Variants in RAB30 observed in about 807,000 individuals in gnomAD.
The protein encoded by RAB30 is ras-related protein Rab-30.
Under a neutral mutation model 25.1 loss-of-function variants are expected in RAB30, and 9 were observed. The ratio of observed to expected loss-of-function variants is 0.36; its 90% CI spans 0.22 to 0.63. RAB30 has a LOEUF of 0.63. Ranked by LOEUF, RAB30 falls within the 20% of genes least tolerant of loss-of-function variation. The pLI is 0.69. For synonymous variants in RAB30, 77 were observed against 86.4 expected, an observed-to-expected ratio of 0.89 and a Z score of 0.60; for missense variants, 140 against 243.5, an observed-to-expected ratio of 0.58 and a Z score of 2.83.
intron 1 of RAB30, among the ~76,000 whole-genome samples, chr11:83,031,870 T>A (rs1266518947): frequency 6.6e-6 from 1 of 152,214 alleles, no homozygotes; most frequent in African/African-American, 2.4e-5. Flanking sequence ...ATAGGTAAAC[T>A]TAGTCGAGGT....
At chr11:82,992,128 T>C (rs1856862658) in intron 3 of RAB30, among the ~76,000 whole-genome samples, 1 of 152,174 alleles carries the variant, frequency 6.6e-6, no homozygotes. Context: ...TAGTTATCTT[T>C]ACCCAACTCC....
At chr11:82,997,431 A>G (rs766516891) in intron 1 of RAB30, 107 bp from the exon 2 acceptor site, 11 of 781,850 alleles carry the variant, frequency 1.4e-5, no homozygotes, top group Non-Finnish European at 8.6e-6. Flanking sequence ...ACTCATTTAA[A>G]GAGCAATTTA....
intron 1 of RAB30, among the ~76,000 whole-genome samples, chr11:83,020,358 C>T (rs1488182979): frequency 1.3e-5 from 2 of 152,230 alleles, no homozygotes; most frequent in Non-Finnish European, 2.9e-5. Flanking sequence ...CTGTCACAGC[C>T]TGGCTGGGTG....
At chr11:82,998,058 A>C (rs1856995853) in intron 1 of RAB30, among the ~76,000 whole-genome samples, 1 of 152,036 alleles carries the variant, frequency 6.6e-6, no homozygotes, top group East Asian at 1.9e-4. Flanking sequence ...TCTTTCACTG[A>C]TCTTCCCCAA....
intron 1 of RAB30, among the ~76,000 whole-genome samples, chr11:83,054,116 A>G (rs1162862231): frequency 6.6e-6 from 1 of 152,102 alleles, no homozygotes; most frequent in Non-Finnish European, 1.5e-5. Context: ...TAACATGCTT[A>G]TGACCATAGG....
intron 1 of RAB30, among the ~76,000 whole-genome samples, chr11:83,012,582 C>T (rs997017339): frequency 6.6e-6 from 1 of 152,098 alleles, no homozygotes; most frequent in Non-Finnish European, 1.5e-5. Flanking sequence ...AAATTCAATA[C>T]CTATCCTATG....
Position 82,976,505 on chromosome 11 carries a change from C to A in RAB30, c.*5660G>T, listed in dbSNP as rs1856548699. On this transcript the variant is annotated 3_prime_UTR_variant, in exon 5 of 5. Coordinates refer to ENST00000527633, the MANE Select transcript of RAB30 (RefSeq NM_001286060.2). ...TCACTCTCCAAAGTGTCAAAGTCAGCAACCACCACCGATTCCGTCAGGAAC... is the reference window on the plus strand; with the variant it reads ...TCACTCTCCAAAGTGTCAAAGTCAGAAACCACCACCGATTCCGTCAGGAAC... 6.6e-6 allele frequency: 1 copy of A among 152,134 alleles called. No homozygotes were observed. Among genetic ancestry groups the A allele is most frequent in the Middle Eastern group, 3.2e-3 (1 of 316 alleles). The allele number at this position is 152,134 out of a possible 1,614,324, so 9.4% of individuals were successfully genotyped here. A position where few individuals can be genotyped will look rare whatever the true frequency, so the allele number is the denominator to read the frequency against.
At chr11:83,059,305 T>C (rs74517809) in intron 1 of RAB30, among the ~76,000 whole-genome samples, 35 of 152,330 alleles carry the variant, frequency 2.3e-4, no homozygotes, top group African/African-American at 6.3e-4. Context: ...AGTTCACAAA[T>C]ATATACTGTT....
chr11:82,982,439 A>G, intron 4 of RAB30, 24 bp from the exon 5 acceptor site: 1 of 1,604,942 alleles, frequency 6.2e-7, no homozygotes, highest in Non-Finnish European at 8.5e-7. Context: ...AAAATCAAAT[A>G]AAGAATCAGC....
In RAB30 at chr11:82,982,153, G is replaced by T. The variant is rs775828142; in HGVS notation, c.*12C>A. ...CAGTTGCTGATTCCTTTTCTTCTCCGTGCCTCAGCCTTTAGTTGAAATTAC... is the reference window on the plus strand; with the variant it reads ...CAGTTGCTGATTCCTTTTCTTCTCCTTGCCTCAGCCTTTAGTTGAAATTAC... On this transcript the variant is annotated 3_prime_UTR_variant, in exon 5 of 5. Coordinates refer to ENST00000527633, the MANE Select transcript of RAB30 (RefSeq NM_001286060.2). 2.5e-6 allele frequency: 4 copies of T among 1,613,592 alleles called. No homozygotes were observed. In the African/African-American group the frequency reaches 5.3e-5, roughly 22 times the overall value.
At position 83,040,413 on chromosome 11, in the gene RAB30, G is replaced by A. The variant is rs868452066; in HGVS notation, c.-9+31278C>T. ...TCGAGACTAGCCTGACCAACATGGA[G>A]AAAGCCCATCTCTACTAAAAATACA... is the stretch of plus-strand genomic sequence containing the variant. On this transcript the variant is annotated intron_variant, in intron 1 of 4. Transcript: ENST00000527633. Among the ~76,000 whole-genome samples the A allele has an allele frequency of 4.6e-5, 7 of 152,172 alleles. No individual in the cohort carries two copies. In the South Asian group the frequency reaches 1.5e-3, roughly 32 times the overall value.
intron 1 of RAB30, chr11:83,034,805 T>A (rs779328757): frequency 6.6e-6 from 1 of 151,934 alleles, no homozygotes; most frequent in African/African-American, 2.4e-5. Flanking sequence ...GATAAGAACA[T>A]TGACTCAGAG....
chr11:82,990,270 G>C (rs1179273540), intron 3 of RAB30, among the ~76,000 whole-genome samples: 1 of 152,216 alleles, frequency 6.6e-6, no homozygotes, highest in Non-Finnish European at 1.5e-5. Flanking sequence ...TGAGAGCAAA[G>C]GCTGTCTTTT....
In RAB30 at chr11:83,062,846, C is replaced by T. The variant is rs185423122; in HGVS notation, c.-9+8845G>A. 3.3e-5 allele frequency among the ~76,000 whole-genome samples: 5 copies of T among 151,220 alleles called. No individual in the cohort carries two copies. The East Asian group carries it at 9.7e-4, about 29-fold the overall frequency. On this transcript the variant is annotated intron_variant, in intron 1 of 4. Transcript: ENST00000527633. ...CGGAACCCCATCTCTACTAAAAATA[C>T]AAAAAAATTAGCCAGGCATGGTGGT...
rs144519703 is a variant in RAB30, at chr11:83,021,319, G to C, written c.-8-23995C>G. 6.7e-3 allele frequency among the ~76,000 whole-genome samples: 1,019 copies of C among 152,296 alleles called. 11 individuals carry two copies. The highest frequency in any genetic ancestry group is 0.023 in the African/African-American group (974 of 41,556). On this transcript the variant is annotated intron_variant, in intron 1 of 4. Transcript: ENST00000527633. Reference sequence around the variant, plus strand: ...CAGGTTATGAGTGAAGAGGAGAGACGAGCTGTGGCCCTCCAGGAAGCCCAG... The same window carrying C: ...CAGGTTATGAGTGAAGAGGAGAGACCAGCTGTGGCCCTCCAGGAAGCCCAG...
At chr11:82,997,502 A>T in intron 1 of RAB30, 178 bp from the exon 2 acceptor site, 1 of 569,004 alleles carries the variant, frequency 1.8e-6, no homozygotes, top group Non-Finnish European at 3.1e-6. Flanking sequence ...TCACAGACGG[A>T]CTTTATTCCT....
intron 3 of RAB30, among the ~76,000 whole-genome samples, chr11:82,990,206 C>T (rs1266125507): frequency 6.6e-6 from 1 of 152,226 alleles, no homozygotes. Context: ...CATTGCCTCA[C>T]CGTCATAATA....
intron 1 of RAB30, among the ~76,000 whole-genome samples, chr11:83,049,441 G>A (rs981672838): frequency 6.9e-6 from 1 of 144,262 alleles, no homozygotes; most frequent in African/African-American, 2.5e-5. Context: ...ACATTTGCCT[G>A]GTTTTTCTGG....
intron 1 of RAB30, among the ~76,000 whole-genome samples, chr11:83,029,115 G>T (rs1054375586): frequency 5.3e-5 from 8 of 152,082 alleles, no homozygotes; most frequent in Non-Finnish European, 8.8e-5. Context: ...AAGCAACAGA[G>T]GACGCCAACA....
Sources: gnomAD v4.1 joint callset for allele counts (sites outside exome capture counted in the v4.1 genomes callset) on GRCh38, gnomAD v4.1.1 for gene constraint, MANE v1.5 for transcripts, NCBI Gene and HGNC (gene_info 2026-07-23, HGNC 2026-07-21) for gene names.